The following AGBL1 variants were observed in gnomAD, a reference collection of about 807,000 sequenced individuals.
AGBL1 encodes the protein cytosolic carboxypeptidase 4.
AGBL1 carries 130 observed loss-of-function variants against 118.9 expected under a neutral mutation model. The observed-to-expected ratio is 1.09, with a 90% CI of 0.95 to 1.26. The LOEUF is 1.26. Among genes scored for constraint, AGBL1 ranks in the 50% most tolerant of loss-of-function variants. The probability of loss-of-function intolerance (pLI) is 0.00; values close to 1 mark genes in which losing one functional copy is unlikely to be tolerated. For missense variants in AGBL1, 1,584 were observed against 1,298.1 expected (o/e 1.22, Z -3.38); for synonymous variants, 555 against 478.9 (o/e 1.16, Z -2.08).
rs1027741026 is a variant in AGBL1, at chr15:86,575,140, G to A, written c.2994+20603G>A. ...GGAGGTGGAGGTGACCGTGAGCCAA[G>A]ATCACACCACTGCACTCCTGCCTGG... On this transcript the variant is annotated intron_variant, in intron 21 of 22. Transcript: ENST00000614907. 1.1e-4 allele frequency among the ~76,000 whole-genome samples: 17 copies of A among 152,040 alleles called. No individual in the cohort carries two copies. The Middle Eastern group carries it at 0.01, about 91-fold the overall frequency.
intron 22 of AGBL1, among the ~76,000 whole-genome samples, chr15:86,855,691 A>C (rs920428384): frequency 1.3e-5 from 2 of 152,240 alleles, no homozygotes; most frequent in Admixed American, 1.3e-4. Flanking sequence ...TAATTAGAGC[A>C]AAAACCTTGA....
chr15:86,659,099 C>T lies in AGBL1; in HGVS notation c.2995-15174C>T, dbSNP rs191303341. 8.6e-3 allele frequency among the ~76,000 whole-genome samples: 1,304 copies of T among 152,222 alleles called. 12 individuals are homozygous for T. Among genetic ancestry groups the T allele is most frequent in the Non-Finnish European group, 0.014 (959 of 68,022 alleles). On this transcript the variant is annotated intron_variant, in intron 21 of 22. Transcript: ENST00000614907. ...CATTTATTTCCTATTTGTCCCCCCT[C>T]CACATCCCTTTCCTAAAAAGGGTCA... is the stretch of plus-strand genomic sequence containing the variant.
At chr15:86,995,490 A>G (rs190946405) in intron 24 of AGBL1, among the ~76,000 whole-genome samples, 2 of 152,322 alleles carry the variant, frequency 1.3e-5, no homozygotes, top group Admixed American at 6.5e-5. Flanking sequence ...AATAGATACA[A>G]TTCTATGCCA....
intron 22 of AGBL1, among the ~76,000 whole-genome samples, chr15:86,855,429 C>T (rs898950649): frequency 6.6e-5 from 10 of 152,104 alleles, no homozygotes; most frequent in African/African-American, 2.4e-4. Context: ...GGGTCTTCCT[C>T]ATAGATTTGG....
At position 86,909,728 on chromosome 15, in the gene AGBL1, G is replaced by A. The variant is rs944001812; in HGVS notation, c.*2434G>A. 2.6e-5 allele frequency: 4 copies of A among 152,128 alleles called. No homozygotes were observed. The highest frequency in any genetic ancestry group is 2.1e-4 in the South Asian group (1 of 4,824). 9.4% of individuals were successfully genotyped at this position (152,128 alleles called of 1,614,324 possible). A position where few individuals can be genotyped will look rare whatever the true frequency, so the allele number is the denominator to read the frequency against. ...AATGGTGCTGATTTCTCTTTGCTTT[G>A]AGGATTCAAGAAGATAATATTGAAA... On this transcript the variant is annotated 3_prime_UTR_variant, in exon 23 of 23. Transcript: ENST00000614907.
chr15:86,811,496 A>G (rs2078788395), intron 22 of AGBL1, among the ~76,000 whole-genome samples: 1 of 152,150 alleles, frequency 6.6e-6, no homozygotes, highest in Non-Finnish European at 1.5e-5. Context: ...TAAGATGGAC[A>G]AATATATTCC....
chr15:86,525,479 A>G (rs1339738137), intron 19 of AGBL1, among the ~76,000 whole-genome samples: 4 of 152,216 alleles, frequency 2.6e-5, no homozygotes, highest in Non-Finnish European at 4.4e-5. Flanking sequence ...CTGGATTTCA[A>G]GTTATACTAC....
At chr15:86,983,342 T>A (rs1297151715) in intron 23 of AGBL1, among the ~76,000 whole-genome samples, 1 of 152,184 alleles carries the variant, frequency 6.6e-6, no homozygotes, top group Non-Finnish European at 1.5e-5. Context: ...GCTAATCTAT[T>A]TTTTATTATG....
chr15:86,670,562 C>T (rs1381411815), intron 21 of AGBL1, among the ~76,000 whole-genome samples: 1 of 149,746 alleles, frequency 6.7e-6, no homozygotes, highest in Non-Finnish European at 1.5e-5. Context: ...TGAGATCGTG[C>T]CACTGCACTC....
At chr15:86,271,434 G>T (rs899662403) in intron 14 of AGBL1, among the ~76,000 whole-genome samples, 185 bp from the exon 15 acceptor site, 9 of 152,072 alleles carry the variant, frequency 5.9e-5, no homozygotes, top group Admixed American at 5.9e-4. Flanking sequence ...TGCATTTAGG[G>T]CTCACCAGGA....
At chr15:86,633,816 ATG>A (rs200013796) in intron 21 of AGBL1, among the ~76,000 whole-genome samples, 170 of 5,036 alleles carry the variant, frequency 0.034, 1 homozygote, top group African/African-American at 0.044. Context: ...TATATAATGT[ATG>A]TATATATATA....
chr15:86,130,675 T>C (rs1249759749), intron 1 of AGBL1, among the ~76,000 whole-genome samples: 3 of 152,240 alleles, frequency 2.0e-5, no homozygotes, highest in Non-Finnish European at 4.4e-5. Context: ...TCTTTTTCAC[T>C]GTCATGCATT....
intron 23 of AGBL1, among the ~76,000 whole-genome samples, chr15:86,963,202 C>T (rs1046844377): frequency 5.3e-5 from 8 of 151,946 alleles, no homozygotes; most frequent in Non-Finnish European, 7.4e-5. Context: ...CCACAACTCT[C>T]GCTTGATTAA....
chr15:87,019,174 T>C (rs1357440710), intron 24 of AGBL1, among the ~76,000 whole-genome samples: 3 of 151,960 alleles, frequency 2.0e-5, no homozygotes, highest in African/African-American at 4.8e-5. Flanking sequence ...AAATAGTGGG[T>C]GACTTCAACA....
intron 21 of AGBL1, among the ~76,000 whole-genome samples, chr15:86,635,253 T>C (rs1281899113): frequency 5.9e-4 from 52 of 87,996 alleles, no homozygotes; most frequent in African/African-American, 2.2e-3. Flanking sequence ...CTCCTCCTCC[T>C]CCCCCTCCCC....
chr15:86,720,516 C>A (rs566262615), intron 22 of AGBL1, among the ~76,000 whole-genome samples: 1 of 152,286 alleles, frequency 6.6e-6, no homozygotes, highest in South Asian at 2.1e-4. Flanking sequence ...TACTTCGCTG[C>A]CAATGGGGCC....
At chr15:86,837,884 T>G (rs2141430040) in intron 22 of AGBL1, among the ~76,000 whole-genome samples, 1 of 152,318 alleles carries the variant, frequency 6.6e-6, no homozygotes, top group African/African-American at 2.4e-5. Context: ...AGACACTTAG[T>G]TCCCTTCCAT....
Position 86,157,591 on chromosome 15 carries a change from A to G in AGBL1, c.395-1342A>G, listed in dbSNP as rs1453861864. Among the ~76,000 whole-genome samples the G allele has an allele frequency of 2.6e-5, 4 of 152,314 alleles. No homozygotes were observed. The South Asian group carries it at 8.3e-4, about 32-fold the overall frequency. On this transcript the variant is annotated intron_variant, in intron 4 of 22. Transcript: ENST00000614907. ...GTTGATTGTACCAACTCACTGTTCCATAAGGTATTTAAAAAAATTATACTG... is the reference window on the plus strand; with the variant it reads ...GTTGATTGTACCAACTCACTGTTCCGTAAGGTATTTAAAAAAATTATACTG...
intron 22 of AGBL1, among the ~76,000 whole-genome samples, chr15:86,711,322 C>A (rs2086551940): frequency 6.6e-6 from 1 of 152,120 alleles, no homozygotes; most frequent in Non-Finnish European, 1.5e-5. Flanking sequence ...TCAATGAAAG[C>A]CTTTTGGTAA....
Sources: allele counts gnomAD v4.1 joint callset (sites outside exome capture counted in the v4.1 genomes callset), GRCh38; gene constraint gnomAD v4.1.1; transcripts MANE v1.5; gene names NCBI Gene and HGNC (gene_info 2026-07-23, HGNC 2026-07-21).